Variants in RCHY1 observed in about 807,000 individuals in gnomAD.
RCHY1 encodes ring finger and CHY zinc finger domain containing 1.
In RCHY1, 21 loss-of-function variants were observed where a neutral mutation model predicts 41.6. That is an observed-to-expected ratio of 0.51 (90% CI 0.36 to 0.73). RCHY1 has a LOEUF of 0.73. Ranked by LOEUF, RCHY1 falls within the 30% of genes least tolerant of loss-of-function variation. The probability of loss-of-function intolerance (pLI) is 0.00; values close to 1 mark genes in which losing one functional copy is unlikely to be tolerated. For missense variants in RCHY1, 265 were observed against 325.3 expected (o/e 0.81, Z 1.43); for synonymous variants, 79 against 102.9 (o/e 0.77, Z 1.41).
chr4:75,504,179 T>C (rs567692456), intron 3 of RCHY1, among the ~76,000 whole-genome samples: 18 of 152,308 alleles, frequency 1.2e-4, no homozygotes, highest in Non-Finnish European at 2.2e-4. Flanking sequence ...CTAGAACCTA[T>C]TAGAAATGTA....
intron 3 of RCHY1, among the ~76,000 whole-genome samples, chr4:75,504,710 A>AT: frequency 6.6e-6 from 1 of 152,290 alleles, no homozygotes; most frequent in East Asian, 1.9e-4. Flanking sequence ...ACACTGACAT[A>AT]TTTGAGCACA....
chr4:75,488,249 T>C (rs1722430463), intron 8 of RCHY1, among the ~76,000 whole-genome samples: 2 of 152,058 alleles, frequency 1.3e-5, no homozygotes, highest in Non-Finnish European at 2.9e-5. Flanking sequence ...GCCACAGAAA[T>C]AACCAAATTT....
chr4:75,499,541 T>A (rs529932246), intron 3 of RCHY1, among the ~76,000 whole-genome samples: 1 of 152,138 alleles, frequency 6.6e-6, no homozygotes, highest in Non-Finnish European at 1.5e-5. Context: ...AGTGGATGAA[T>A]GGATAAAGAA....
intron 2 of RCHY1, 42 bp from the exon 3 acceptor site, chr4:75,508,977 T>C (rs1173299865): frequency 7.2e-7 from 1 of 1,397,564 alleles, no homozygotes; most frequent in South Asian, 1.2e-5. Flanking sequence ...AAACTAAACA[T>C]TTTGAGTTAC....
chr4:75,501,150 C>T (rs982526523), intron 3 of RCHY1, among the ~76,000 whole-genome samples: 1 of 152,140 alleles, frequency 6.6e-6, no homozygotes, highest in Non-Finnish European at 1.5e-5. Flanking sequence ...GCTGGGATTA[C>T]AGACATATAC....
Position 75,480,660 on chromosome 4 carries a change from A to G in RCHY1, c.*1878T>C, listed in dbSNP as rs765231464. ...TATTTAAAGATCCAATGATTCAATG[A>G]TTAAAAACAATAACATGATTGGTTT... On this transcript the variant is annotated 3_prime_UTR_variant, in exon 9 of 9. Coordinates refer to ENST00000324439, the MANE Select transcript of RCHY1 (RefSeq NM_015436.4). The G allele has an allele frequency of 1.3e-5, 2 of 152,226 alleles. No homozygotes were observed. Among genetic ancestry groups the G allele is most frequent in the Non-Finnish European group, 2.9e-5 (2 of 68,040 alleles). 9.4% of individuals were successfully genotyped at this position (152,226 alleles called of 1,614,324 possible).
chr4:75,496,185 GAC>G (rs1723188425), intron 3 of RCHY1, among the ~76,000 whole-genome samples: 1 of 152,050 alleles, frequency 6.6e-6, no homozygotes, highest in African/African-American at 2.4e-5. Flanking sequence ...AATGACAAAA[GAC>G]AGAATATATG....
Position 75,480,591 on chromosome 4 carries a change from C to G in RCHY1, c.*1947G>C, listed in dbSNP as rs1311145857. The G allele has an allele frequency of 6.6e-6, 1 of 152,166 alleles. No homozygotes were observed. The highest frequency in any genetic ancestry group is 2.4e-5 in the African/African-American group (1 of 41,444). The allele number at this position is 152,166 out of a possible 1,614,324, so 9.4% of individuals were successfully genotyped here. ...ATTAATGCTAATGCATGACCCAGCA[C>G]AGATGTTGAAAACAGAAGAGCCTTA... On this transcript the variant is annotated 3_prime_UTR_variant, in exon 9 of 9. Transcript: ENST00000324439.
intron 3 of RCHY1, among the ~76,000 whole-genome samples, chr4:75,507,010 G>A (rs997926681): frequency 6.6e-6 from 1 of 152,042 alleles, no homozygotes; most frequent in African/African-American, 2.4e-5. Context: ...ACCAATACCT[G>A]TAAACTTAGA....
At chr4:75,514,520 G>C, upstream of RCHY1, 1 of 505,982 alleles carries the variant, frequency 2.0e-6, no homozygotes, top group Non-Finnish European at 3.6e-6. Context: ...CGCTGCTAAC[G>C]GTAATAACTC....
chr4:75,496,609 C>CG (rs1218846745), intron 3 of RCHY1, among the ~76,000 whole-genome samples: 1 of 152,048 alleles, frequency 6.6e-6, no homozygotes, highest in African/African-American at 2.4e-5. Context: ...TCGCAGGCTC[C>CG]GGGTGGAGTA....
At position 75,514,179 on chromosome 4, in the gene RCHY1, G is replaced by A; in HGVS notation, c.90+18C>T. 1 of 1,604,674 alleles carries A rather than the reference G, an allele frequency of 6.2e-7. No individual in the cohort carries two copies. Among genetic ancestry groups the A allele is most frequent in the East Asian group, 2.2e-5 (1 of 44,648 alleles). ...CCTGACGGAAGCTTGTCAGGGAAGAGTCCATAGAAGGCGTCACCTTTAGGA... is the reference window on the plus strand; with the variant it reads ...CCTGACGGAAGCTTGTCAGGGAAGAATCCATAGAAGGCGTCACCTTTAGGA... On this transcript the variant is annotated intron_variant, in intron 1 of 8. Coordinates refer to ENST00000324439, the MANE Select transcript of RCHY1 (RefSeq NM_015436.4).
At position 75,491,758 on chromosome 4, in the gene RCHY1, C is replaced by T. The variant is rs767308337; in HGVS notation, c.475G>A (p.Ala159Thr). 1.9e-6 allele frequency: 3 copies of T among 1,612,850 alleles called. No individual in the cohort carries two copies. In the South Asian group the frequency reaches 3.3e-5, roughly 18 times the overall value. Residue 159 changes from alanine (A) to threonine (T), a missense_variant, in exon 6 of 9, where the codon GCT becomes ACT. Transcript: ENST00000324439. Reference protein sequence around the residue: ...LEDIHTSRVVAHVLPCGHLLH... With the variant: ...LEDIHTSRVVTHVLPCGHLLH... ...AGATGTCCACATGGCAAGACATGAG[C>T]AACAACACGGGATGTGTGAATGTCC...
At chr4:75,514,001 A>G in intron 1 of RCHY1, 196 bp downstream of exon 1, 2 of 740,512 alleles carry the variant, frequency 2.7e-6, no homozygotes, top group Non-Finnish European at 4.1e-6. Flanking sequence ...CTTTAAAGGT[A>G]CGAAGCAGGT....
rs941862507 is a variant in RCHY1 at position 75,487,386 on chromosome 4, G to C, written c.657+3195C>G. Among the ~76,000 whole-genome samples the C allele has an allele frequency of 2.7e-5, 4 of 147,698 alleles. No individual in the cohort carries two copies. In the East Asian group the frequency reaches 7.9e-4, roughly 29 times the overall value. On this transcript the variant is annotated intron_variant, in intron 8 of 8. Coordinates refer to ENST00000324439, the MANE Select transcript of RCHY1 (RefSeq NM_015436.4). ...GAAAACTGAGTTTCGAAGAGTAAAG[G>C]TTTTTGCTTTTTAAAACCTGTTAAT...
At chr4:75,499,106 A>T (rs575962761) in intron 3 of RCHY1, among the ~76,000 whole-genome samples, 1 of 152,198 alleles carries the variant, frequency 6.6e-6, no homozygotes, top group African/African-American at 2.4e-5. Flanking sequence ...AGATTTAAAA[A>T]TAGTCCAAAG....
intron 3 of RCHY1, among the ~76,000 whole-genome samples, chr4:75,498,119 T>TAA (rs76668901): frequency 2.3e-5 from 3 of 128,794 alleles, no homozygotes; most frequent in Non-Finnish European, 3.4e-5. Context: ...TGTAATAGAC[T>TAA]AAAAAAAAAA....
At chr4:75,507,938 A>G (rs1340168322) in intron 3 of RCHY1, among the ~76,000 whole-genome samples, 1 of 152,124 alleles carries the variant, frequency 6.6e-6, no homozygotes, top group East Asian at 1.9e-4. Flanking sequence ...GCACACAGGA[A>G]GCTATGAAGG....
intron 8 of RCHY1, among the ~76,000 whole-genome samples, chr4:75,487,866 TAATATATATTCATAA>T (rs1460344722): frequency 2.8e-5 from 2 of 71,402 alleles, no homozygotes; most frequent in East Asian, 8.0e-4. Flanking sequence ...TATATATTCA[TAATATATATTCATAA>T]TATATATATT....
Sources: gnomAD v4.1 joint callset for allele counts (sites outside exome capture counted in the v4.1 genomes callset) on GRCh38, gnomAD v4.1.1 for gene constraint, MANE v1.5 for transcripts, NCBI Gene and HGNC (gene_info 2026-07-23, HGNC 2026-07-21) for gene names.